The following PAX8 variants were observed in gnomAD, a reference collection of about 807,000 sequenced individuals.
PAX8 encodes paired box 8.
Under a neutral mutation model 52.4 loss-of-function variants are expected in PAX8, and 15 were observed. The observed-to-expected ratio is 0.29, with a 90% CI of 0.19 to 0.44. PAX8 has a LOEUF of 0.44. Among genes scored for constraint, PAX8 ranks in the 20% least tolerant of loss-of-function variants. The probability of loss-of-function intolerance (pLI) is 1.00; values close to 1 mark genes in which losing one functional copy is unlikely to be tolerated. For missense variants in PAX8, 554 were observed against 602.5 expected (o/e 0.92, Z 0.84); for synonymous variants, 284 against 249.7 (o/e 1.14, Z -1.29).
At chr2:113,260,327 G>A (rs1447022336) in intron 2 of PAX8, among the ~76,000 whole-genome samples, 1 of 152,176 alleles carries the variant, frequency 6.6e-6, no homozygotes, top group East Asian at 1.9e-4. Flanking sequence ...GTGAATGTGT[G>A]TATGAATGAG....
rs1367898222 is a variant in PAX8 at position 113,218,578 on chromosome 2, C to T, written c.1308G>A (p.Arg436=). 6.4e-7 allele frequency: 1 copy of T among 1,559,846 alleles called. No individual in the cohort carries two copies. The highest frequency in any genetic ancestry group is 8.7e-7 in the Non-Finnish European group (1 of 1,151,610). The change falls in exon 12 of 12, where the codon AGG becomes AGA. Residue 436 remains arginine (R), a synonymous_variant. Transcript: ENST00000429538. ...SSPYYYSSTS[R]PSAPPTTATA... ...TGGCAGTGGTGGGCGGTGCACTCGGCCTTGATGTGGAACTGTAATAATATG... is the reference window on the plus strand; with the variant it reads ...TGGCAGTGGTGGGCGGTGCACTCGGTCTTGATGTGGAACTGTAATAATATG...
Position 113,217,730 on chromosome 2 carries a change from C to T in PAX8, c.*803G>A, listed in dbSNP as rs1005592777. On this transcript the variant is annotated 3_prime_UTR_variant, in exon 12 of 12. Transcript: ENST00000429538. ...TGCCTTGTTCTGCCCTGGGTGAAGC[C>T]GCACACCACACCTCACCTCCCAGGG... 2.4e-4 allele frequency: 56 copies of T among 232,502 alleles called. No homozygotes were observed. Among genetic ancestry groups the T allele is most frequent in the African/African-American group, 1.1e-3 (48 of 45,278 alleles). The allele number at this position is 232,502 out of a possible 1,614,324, so 14.4% of individuals were successfully genotyped here. A position where few individuals can be genotyped will look rare whatever the true frequency, so the allele number is the denominator to read the frequency against.
At chr2:113,219,283 G>C (rs1052356655) in intron 11 of PAX8, among the ~76,000 whole-genome samples, 5 of 152,188 alleles carry the variant, frequency 3.3e-5, no homozygotes, top group African/African-American at 1.2e-4. Flanking sequence ...GGGAATGGAT[G>C]GTTCCTAGCC....
chr2:113,247,532 AG>A (rs1298772088), intron 2 of PAX8, among the ~76,000 whole-genome samples: 1 of 152,268 alleles, frequency 6.6e-6, no homozygotes, highest in Admixed American at 6.5e-5. Flanking sequence ...TTTCTCTAAT[AG>A]GCCAGAGCAG....
At chr2:113,224,839 TATAAAATAAAATAAAATAAAA>T (rs1689469489) in intron 10 of PAX8, among the ~76,000 whole-genome samples, 2 of 143,578 alleles carry the variant, frequency 1.4e-5, no homozygotes, top group Non-Finnish European at 3.0e-5. Context: ...TAAAATAAAA[TATAAAATAAAATAAAATAAAA>T]TAAAATAAAA....
chr2:113,248,740 C>A (rs1691522566), intron 2 of PAX8, among the ~76,000 whole-genome samples: 1 of 151,952 alleles, frequency 6.6e-6, no homozygotes, highest in South Asian at 2.1e-4. Context: ...GGGCGGATCA[C>A]CTGAGGTCAG....
intron 2 of PAX8, among the ~76,000 whole-genome samples, chr2:113,261,536 T>TAA (rs1418012750): frequency 6.6e-6 from 1 of 152,238 alleles, no homozygotes; most frequent in Non-Finnish European, 1.5e-5. Flanking sequence ...TGCCACGGCT[T>TAA]ACAGACTATG....
Position 113,220,091 on chromosome 2 carries a change from C to T in PAX8, c.1276+1G>A. ...AGGCCTGGGCAGCCCCAGGGACTTA[C>T]TCAGCAAGCTGGAGTTGGGGAAGCG... On this transcript the variant is annotated splice_donor_variant, in intron 11 of 11. Coordinates refer to ENST00000429538, the MANE Select transcript of PAX8 (RefSeq NM_003466.4). LOFTEE classifies it high-confidence loss of function. 1 of 1,612,704 alleles carries T rather than the reference C, an allele frequency of 6.2e-7. No homozygotes were observed. Among genetic ancestry groups the T allele is most frequent in the Non-Finnish European group, 8.5e-7 (1 of 1,179,080 alleles).
At chr2:113,220,458 T>C (rs1343887583) in intron 10 of PAX8, 2 of 361,278 alleles carry the variant, frequency 5.5e-6, no homozygotes, top group East Asian at 4.8e-5. Flanking sequence ...GTAGATGTTA[T>C]AACTACCCCC....
In PAX8 at chr2:113,217,591, G is replaced by A. The variant is rs950353116; in HGVS notation, c.*942C>T. The A allele has an allele frequency of 1.2e-4, 27 of 230,162 alleles. No homozygotes were observed. Among genetic ancestry groups the A allele is most frequent in the African/African-American group, 4.0e-4 (18 of 45,258 alleles). 14.3% of individuals were successfully genotyped at this position (230,162 alleles called of 1,614,324 possible). On this transcript the variant is annotated 3_prime_UTR_variant, in exon 12 of 12. Transcript: ENST00000429538. ...GGGGAGCAGAGAGGGACCCTCTATC[G>A]CTGGCTTCAGGGGGTGCCTTGGGTC...
chr2:113,216,136 T>G lies in PAX8; in HGVS notation c.*2397A>C. Reference sequence around the variant, plus strand: ...CTATGGGCTCCTTGGGATGCTGTGCTCAAAGTGATTCTTGGGTAGGGAGCC... The same window carrying G: ...CTATGGGCTCCTTGGGATGCTGTGCGCAAAGTGATTCTTGGGTAGGGAGCC... On this transcript the variant is annotated 3_prime_UTR_variant, in exon 12 of 12. Transcript: ENST00000429538. 1 of 229,446 alleles carries G rather than the reference T, an allele frequency of 4.4e-6. No homozygotes were observed. The highest frequency in any genetic ancestry group is 2.2e-5 in the African/African-American group (1 of 45,230). 14.2% of individuals were successfully genotyped at this position (229,446 alleles called of 1,614,324 possible).
intron 9 of PAX8, among the ~76,000 whole-genome samples, chr2:113,232,471 G>A (rs1306423326): frequency 6.6e-6 from 1 of 152,230 alleles, no homozygotes; most frequent in African/African-American, 2.4e-5. Context: ...TCTGGGCCTG[G>A]ATTGGGGGCC....
chr2:113,246,821 C>T lies in PAX8; in HGVS notation c.124G>A (p.Val42Ile), dbSNP rs1463993517. 6.2e-7 allele frequency: 1 copy of T among 1,614,136 alleles called. No individual in the cohort carries two copies. The highest frequency in any genetic ancestry group is 1.3e-5 in the African/African-American group (1 of 74,954). ...QRIVDLAHQG[V>I]RPCDISRQLR... ...TGGCGAGAGATGTCGCAGGGCCTTA[C>T]ACCCTGGTGGGCCAGGTCTACGATG... Residue 42 changes from valine (V) to isoleucine (I), a missense_variant, in exon 3 of 12, where the codon GTA (valine) becomes ATA (isoleucine). Val to Ile is a conservative substitution (Grantham distance 29). Transcript: ENST00000429538.
chr2:113,249,645 A>G (rs1691606376), intron 2 of PAX8, among the ~76,000 whole-genome samples: 1 of 152,170 alleles, frequency 6.6e-6, no homozygotes. Context: ...ATTATTATGA[A>G]GGACTGACTC....
At chr2:113,271,255 C>G (rs1473992369) in intron 2 of PAX8, 1 of 152,258 alleles carries the variant, frequency 6.6e-6, no homozygotes, top group African/African-American at 2.4e-5. Flanking sequence ...CTGTTCGCAT[C>G]ACATCCAAGA....
chr2:113,277,388 C>T lies in PAX8; in HGVS notation c.25+982G>A, dbSNP rs78617413. Among the ~76,000 whole-genome samples, 869 of 152,368 alleles carry T rather than the reference C, an allele frequency of 5.7e-3. 12 individuals are homozygous for T. Among genetic ancestry groups the T allele is most frequent in the African/African-American group, 0.02 (831 of 41,600 alleles). ...ATCTCAGCCTCGCTGCGCGCCCGATCCGACCCTCCTTATTATAACAAATGT... is the reference window on the plus strand; with the variant it reads ...ATCTCAGCCTCGCTGCGCGCCCGATTCGACCCTCCTTATTATAACAAATGT... On this transcript the variant is annotated intron_variant, in intron 2 of 11. Transcript: ENST00000429538.
Position 113,220,196 on chromosome 2 carries a change from G to C in PAX8, c.1190-18C>G. On this transcript the variant is annotated intron_variant, in intron 10 of 11. Coordinates refer to ENST00000429538, the MANE Select transcript of PAX8 (RefSeq NM_003466.4). ...TTCACTTCCTGTTGGAGGCACACAG[G>C]GGAGAGGCCTGTGAGGTGAAGGGCA... The C allele has an allele frequency of 6.3e-7, 1 of 1,598,704 alleles. No homozygotes were observed. Among genetic ancestry groups the C allele is most frequent in the East Asian group, 2.2e-5 (1 of 44,776 alleles).
intron 10 of PAX8, chr2:113,225,982 AGAG>A (rs1689545113): frequency 4.1e-6 from 4 of 985,474 alleles, no homozygotes; most frequent in South Asian, 4.7e-5. Context: ...CAGGAGGGAC[AGAG>A]GAGTCAGTAT....
rs541646769 is a variant in PAX8 at position 113,247,558 on chromosome 2, A to C, written c.26-639T>G. Among the ~76,000 whole-genome samples, 3 of 152,330 alleles carry C rather than the reference A, an allele frequency of 2.0e-5. No individual in the cohort carries two copies. In the South Asian group the frequency reaches 6.2e-4, roughly 32 times the overall value. On this transcript the variant is annotated intron_variant, in intron 2 of 11. Transcript: ENST00000429538. ...GGCCAGAGCAGCAGGGACCTGGTGC[A>C]GGGTCCTCACAGGCATAGATAGCAC... is the stretch of plus-strand genomic sequence containing the variant.
Sources: gnomAD v4.1 joint callset for allele counts (sites outside exome capture counted in the v4.1 genomes callset) on GRCh38, gnomAD v4.1.1 for gene constraint, MANE v1.5 for transcripts, NCBI Gene and HGNC (gene_info 2026-07-23, HGNC 2026-07-21) for gene names.